MAGI2: variants seen among roughly 807,000 people sequenced by gnomAD.
MAGI2 encodes membrane-associated guanylate kinase, WW and PDZ domain-containing protein 2.
Under a neutral mutation model 133.3 loss-of-function variants are expected in MAGI2, and 35 were observed. The observed-to-expected ratio is 0.26, with a 90% confidence interval of 0.20 to 0.35. The LOEUF is 0.35. MAGI2 is among the 10% of genes least tolerant of loss of function. The pLI, the probability that MAGI2 is intolerant of heterozygous loss-of-function variation, is 1.00. For missense variants in MAGI2, 1,636 were observed against 1,863.4 expected, an observed-to-expected ratio of 0.88 and a Z score of 2.25; for synonymous variants, 729 against 710.6, an observed-to-expected ratio of 1.03 and a Z score of -0.41.
intron 2 of MAGI2, among the ~76,000 whole-genome samples, chr7:78,933,671 T>C (rs914527974): frequency 6.6e-6 from 1 of 152,102 alleles, no homozygotes; most frequent in Non-Finnish European, 1.5e-5. Flanking sequence ...ATGTTGAAGA[T>C]GACATTATTA....
chr7:79,446,311 T>G (rs1291841967), intron 1 of MAGI2, among the ~76,000 whole-genome samples: 1 of 152,170 alleles, frequency 6.6e-6, no homozygotes, highest in Non-Finnish European at 1.5e-5. Flanking sequence ...AAATTTAAAG[T>G]ACAATTAAAA....
chr7:79,427,007 G>A (rs981193060), intron 1 of MAGI2, among the ~76,000 whole-genome samples: 7 of 152,048 alleles, frequency 4.6e-5, no homozygotes, highest in South Asian at 2.1e-4. Flanking sequence ...TGATTGCAGG[G>A]CTTTATTACA....
chr7:78,685,975 C>CTTT (rs111441733), intron 2 of MAGI2, among the ~76,000 whole-genome samples: 82 of 141,592 alleles, frequency 5.8e-4, no homozygotes, highest in Admixed American at 2.0e-3. Flanking sequence ...TTTTTCTTTT[C>CTTT]TTTTTTTTTT....
intron 9 of MAGI2, among the ~76,000 whole-genome samples, chr7:78,323,022 T>C (rs749450586): frequency 4.8e-5 from 7 of 146,054 alleles, no homozygotes; most frequent in South Asian, 4.3e-4. Context: ...AAAATAAATA[T>C]GTGTTCATCC....
At chr7:78,775,109 C>T (rs559536984) in intron 2 of MAGI2, among the ~76,000 whole-genome samples, 46 of 151,270 alleles carry the variant, frequency 3.0e-4, no homozygotes, top group Non-Finnish European at 4.9e-4. Flanking sequence ...ATCAGGAGAT[C>T]GAGACCATCC....
chr7:79,274,583 TA>T (rs926387979), intron 1 of MAGI2, among the ~76,000 whole-genome samples: 23 of 90,686 alleles, frequency 2.5e-4, no homozygotes, highest in African/African-American at 6.4e-4. Flanking sequence ...TTATATTATA[TA>T]TTTTTTTTCA....
intron 9 of MAGI2, among the ~76,000 whole-genome samples, chr7:78,289,554 C>T (rs1796486532): frequency 6.6e-6 from 1 of 152,114 alleles, no homozygotes; most frequent in Non-Finnish European, 1.5e-5. Context: ...AGAACTTCCC[C>T]AACATAGCAA....
chr7:79,138,835 C>A (rs1821847146), intron 1 of MAGI2, among the ~76,000 whole-genome samples: 1 of 151,970 alleles, frequency 6.6e-6, no homozygotes, highest in Non-Finnish European at 1.5e-5. Context: ...GAAACCCTGT[C>A]TCTACTAAAA....
intron 2 of MAGI2, among the ~76,000 whole-genome samples, chr7:79,000,514 T>C (rs925924778): frequency 1.3e-5 from 2 of 152,164 alleles, no homozygotes; most frequent in African/African-American, 2.4e-5. Context: ...TTATTAGATA[T>C]GTGGCCAACG....
rs527757764 is a variant in MAGI2, at chr7:78,191,411, T to C, written c.2269+3463A>G. Among the ~76,000 whole-genome samples the C allele has an allele frequency of 9.2e-4, 140 of 152,350 alleles. 1 individual carries two copies. Among genetic ancestry groups the C allele is most frequent in the Non-Finnish European group, 1.7e-3 (115 of 68,014 alleles). ...TAAAATATTGATATTATTTGCTGTGTTGTGTAATGGAGCCTTGTTCAGAAA... is the reference window on the plus strand; with the variant it reads ...TAAAATATTGATATTATTTGCTGTGCTGTGTAATGGAGCCTTGTTCAGAAA... On this transcript the variant is annotated intron_variant, in intron 12 of 21. Transcript: ENST00000354212.
intron 2 of MAGI2, among the ~76,000 whole-genome samples, chr7:78,956,017 A>C (rs975557517): frequency 2.0e-5 from 3 of 151,996 alleles, no homozygotes; most frequent in Admixed American, 2.0e-4. Flanking sequence ...AATTTTTAAA[A>C]AGTTAAAAAG....
intron 6 of MAGI2, among the ~76,000 whole-genome samples, chr7:78,423,574 A>G (rs1798996089): frequency 6.6e-6 from 1 of 152,194 alleles, no homozygotes; most frequent in Admixed American, 6.5e-5. Flanking sequence ...GACTCAGAAG[A>G]AGATAGGAAA....
intron 1 of MAGI2, among the ~76,000 whole-genome samples, chr7:79,176,697 C>G (rs1162899715): frequency 6.6e-6 from 1 of 151,892 alleles, no homozygotes; most frequent in Non-Finnish European, 1.5e-5. Context: ...TTAATAGTTA[C>G]CAGTTTATAA....
intron 1 of MAGI2, among the ~76,000 whole-genome samples, chr7:79,124,339 T>A (rs1194646051): frequency 6.6e-6 from 1 of 152,208 alleles, no homozygotes; most frequent in Admixed American, 6.5e-5. Flanking sequence ...TGCTTTAACA[T>A]ACAACATTAA....
At chr7:78,780,184 G>A (rs1826285713) in intron 2 of MAGI2, among the ~76,000 whole-genome samples, 1 of 152,194 alleles carries the variant, frequency 6.6e-6, no homozygotes, top group South Asian at 2.1e-4. Flanking sequence ...ACATTGATTT[G>A]TATCCCTTGC....
intron 9 of MAGI2, among the ~76,000 whole-genome samples, chr7:78,303,277 G>A (rs1437707662): frequency 1.4e-5 from 2 of 147,618 alleles, no homozygotes; most frequent in African/African-American, 5.0e-5. Flanking sequence ...TACTCAGGAA[G>A]TTGAGACAGG....
intron 1 of MAGI2, among the ~76,000 whole-genome samples, chr7:79,181,412 C>A (rs1352199007): frequency 6.6e-6 from 1 of 151,970 alleles, no homozygotes; most frequent in Non-Finnish European, 1.5e-5. Context: ...CTTGTATCAT[C>A]CAAAACTGCA....
intron 2 of MAGI2, among the ~76,000 whole-genome samples, chr7:78,910,417 T>C (rs2151613354): frequency 6.6e-6 from 1 of 152,190 alleles, no homozygotes; most frequent in East Asian, 1.9e-4. Context: ...TAAAAGGCCT[T>C]GGATAATAAC....
chr7:78,019,469 C>A lies in MAGI2; in HGVS notation c.4214G>T (p.Arg1405Met). 6.1e-6 allele frequency: 6 copies of A among 980,618 alleles called. No individual in the cohort carries two copies. Among genetic ancestry groups the A allele is most frequent in the Non-Finnish European group, 7.2e-6 (6 of 828,394 alleles). The allele number at this position is 980,618 out of a possible 1,614,324, so 60.7% of individuals were successfully genotyped here. ...GGSGALEAEG[R>M]AGARAGPRPG... is the part of the protein sequence containing the mutation. Reference sequence around the variant, plus strand: ...CCGGGGACCCGCGCGCGCACCCGCCCTGCCCTCGGCCTCCAGCGCGCCGCT... The same window carrying A: ...CCGGGGACCCGCGCGCGCACCCGCCATGCCCTCGGCCTCCAGCGCGCCGCT... Residue 1405 changes from arginine (R) to methionine (M), a missense_variant, in exon 22 of 22, where the codon AGG becomes ATG. Around this residue, in one of 5 missense-constraint regions of MAGI2, gnomAD observed 354 missense variants for 298.7 expected, o/e 1.19. Coordinates refer to ENST00000354212, the MANE Select transcript of MAGI2 (RefSeq NM_012301.4).
Sources: allele counts gnomAD v4.1 joint callset (sites outside exome capture counted in the v4.1 genomes callset), GRCh38; gene constraint gnomAD v4.1.1; regional missense constraint gnomAD v4.1.1; transcripts MANE v1.5; gene names NCBI Gene and HGNC (gene_info 2026-07-23, HGNC 2026-07-21).